Variants in ZNF768 observed in about 807,000 individuals in gnomAD.
ZNF768 encodes zinc finger protein 768.
In ZNF768, 12 loss-of-function variants were observed where a neutral mutation model predicts 39.7. That is an observed-to-expected ratio of 0.30 (90% confidence interval 0.19 to 0.49). ZNF768 has a LOEUF of 0.49. ZNF768 is among the 20% of genes least tolerant of loss of function. The probability of loss-of-function intolerance (pLI) is 0.99; values close to 1 mark genes in which losing one functional copy is unlikely to be tolerated. For synonymous variants in ZNF768, 360 were observed against 288.4 expected (o/e 1.25, Z -2.52); for missense variants, 613 against 723.2 (o/e 0.85, Z 1.75).
upstream of ZNF768, chr16:30,527,475 G>A: frequency 3.4e-6 from 1 of 296,838 alleles, no homozygotes; most frequent in Non-Finnish European, 5.0e-6. Context: ...CAACCCCGCG[G>A]ACGGCTGGGC....
the ZNF768 span, chr16:30,532,467 C>T: frequency 6.3e-7 from 1 of 1,578,304 alleles, no homozygotes; most frequent in Non-Finnish European, 8.6e-7. Context: ...CTCGGGCCGC[C>T]CACAATGTCT....
At chr16:30,526,180 C>T (rs2051321756) in intron 1 of ZNF768, 129 bp from the exon 2 acceptor site, 1 of 1,512,954 alleles carries the variant, frequency 6.6e-7, no homozygotes, top group African/African-American at 1.4e-5. Context: ...CCACGCCCCC[C>T]TCAGCTGACC....
chr16:30,530,037 G>A (rs990494247), upstream of ZNF768, among the ~76,000 whole-genome samples: 2 of 151,962 alleles, frequency 1.3e-5, no homozygotes, highest in African/African-American at 4.8e-5. This position sits in a 1 kb window ranked among gnomAD's most constrained non-coding sequence, Gnocchi z 4.4. Flanking sequence ...CACCATGTTA[G>A]CCAGGATGGT....
In ZNF768 at chr16:30,525,118, C is replaced by A; in HGVS notation, c.1022G>T (p.Gly341Val). 6.2e-7 allele frequency: 1 copy of A among 1,614,020 alleles called. No homozygotes were observed. The highest frequency in any genetic ancestry group is 1.1e-5 in the South Asian group (1 of 91,088). Residue 341 changes from glycine to valine, a missense_variant, in exon 2 of 2, where the codon GGC (glycine) becomes GTC (valine). Gly to Val is a moderately radical substitution (Grantham distance 109). This residue lies in a region of ZNF768 where 22 missense variants were observed against 63.4 expected (regional missense o/e 0.35). Coordinates refer to ENST00000380412, the MANE Select transcript of ZNF768 (RefSeq NM_024671.4). ...YLLRHQRTHS[G>V]QKPYKCPHCG... The stretch of plus-strand genomic sequence containing the variant: ...ATGTGGGCACTTGTAGGGCTTCTGG[C>A]CAGAGTGAGTGCGCTGGTGGCGAAG...
upstream of ZNF768, chr16:30,526,726 C>T (rs1480126482): frequency 4.7e-6 from 4 of 842,896 alleles, no homozygotes; most frequent in African/African-American, 1.8e-5. Flanking sequence ...GCCCCCGCTC[C>T]CGCCCGAGCC....
At chr16:30,526,604 T>G, upstream of ZNF768, 1 of 965,066 alleles carries the variant, frequency 1.0e-6, no homozygotes, top group Non-Finnish European at 1.2e-6. Context: ...GCCCCTCCCC[T>G]GCCCGCGGCC....
At chr16:30,529,123 A>G (rs572535886), upstream of ZNF768, among the ~76,000 whole-genome samples, 2 of 152,296 alleles carry the variant, frequency 1.3e-5, no homozygotes, top group Admixed American at 1.3e-4. Flanking sequence ...GGTGCCATCT[A>G]TGCACAGGGA....
chr16:30,531,405 A>G (rs570284102), upstream of ZNF768: 19 of 152,336 alleles, frequency 1.2e-4, no homozygotes, highest in Admixed American at 7.2e-4. Context: ...ACTAATTCTT[A>G]TCACTTAAAA....
chr16:30,525,087 G>C lies in ZNF768; in HGVS notation c.1053C>G (p.Gly351=), dbSNP rs141607219. The C allele has an allele frequency of 1.2e-6, 2 of 1,614,054 alleles. No individual in the cohort carries two copies. The highest frequency in any genetic ancestry group is 2.7e-5 in the African/African-American group (2 of 74,946). ...GGTAGGAGCTGTCGCCGAAGGCCTT[G>C]CCACAATGTGGGCACTTGTAGGGCT... is the stretch of plus-strand genomic sequence containing the variant. ...GQKPYKCPHC[G]KAFGDSSYLL... Residue 351 remains glycine (G), a synonymous_variant, in exon 2 of 2, where the codon GGC becomes GGG. Transcript: ENST00000380412.
Position 30,525,354 on chromosome 16 carries a change from G to A in ZNF768, c.786C>T (p.Ile262=). 3 of 1,614,160 alleles carry A rather than the reference G, an allele frequency of 1.9e-6. No individual in the cohort carries two copies. The highest frequency in any genetic ancestry group is 1.3e-5 in the African/African-American group (1 of 75,064). The change falls in exon 2 of 2, where the codon ATC becomes ATT. Residue 262 remains isoleucine, a synonymous_variant. Transcript: ENST00000380412. ...ARGGQGPRPN[I]CGICGKSFGR... The stretch of plus-strand genomic sequence containing the variant: ...CGAAGCTCTTCCCGCAGATGCCACA[G>A]ATGTTAGGCCGAGGGCCCTGCCCAC...
upstream of ZNF768, chr16:30,526,699 T>C (rs933412324): frequency 4.4e-6 from 4 of 902,318 alleles, no homozygotes; most frequent in African/African-American, 1.9e-5. Context: ...GCTTCGCGAC[T>C]ACCCCGGCGG....
upstream of ZNF768, chr16:30,526,742 C>G (rs1239628848): frequency 4.8e-6 from 4 of 839,018 alleles, no homozygotes; most frequent in Non-Finnish European, 5.7e-6. Context: ...GAGCCCCCAC[C>G]TTCTGGACCC....
At position 30,525,877 on chromosome 16, in the gene ZNF768, G is replaced by A; in HGVS notation, c.263C>T (p.Ser88Phe). The change falls in exon 2 of 2, where the codon TCC becomes TTC. Residue 88 changes from serine to phenylalanine, a missense_variant. Transcript: ENST00000380412. Reference protein sequence around the residue: ...RFEPESPGFESRSPGLVPPSP... With the variant: ...RFEPESPGFEFRSPGLVPPSP... ...TGGGGGCACAAGCCCAGGGCTTCGG[G>A]ACTCAAACCCCGGGCTTTCAGGCTC... The A allele has an allele frequency of 6.6e-7, 1 of 1,520,400 alleles. No homozygotes were observed. The highest frequency in any genetic ancestry group is 8.8e-7 in the Non-Finnish European group (1 of 1,137,908). The allele number at this position is 1,520,400 out of a possible 1,614,324, so 94.2% of individuals were successfully genotyped here.
intron 1 of ZNF768, 56 bp downstream of exon 1, chr16:30,526,270 C>A: frequency 6.2e-7 from 1 of 1,603,128 alleles, no homozygotes; most frequent in Non-Finnish European, 8.5e-7. Context: ...TCCCTGGAGC[C>A]ACAGCCCCTT....
Position 30,525,757 on chromosome 16 carries a change from T to TA in ZNF768, c.382dup (p.Tyr128LeufsTer2). On this transcript the variant is annotated frameshift_variant, in exon 2 of 2. Coordinates refer to ENST00000380412, the MANE Select transcript of ZNF768 (RefSeq NM_024671.4). LOFTEE classifies it high-confidence loss of function. ...TTCATACCCGGGGCTCCGAGGTTCA[T>TA]AGCCAGGGCTTTGGGGTTCATACCT... 1 of 1,599,144 alleles carries TA rather than the reference T, an allele frequency of 6.3e-7. No individual in the cohort carries two copies. The highest frequency in any genetic ancestry group is 8.5e-7 in the Non-Finnish European group (1 of 1,174,172).
Position 30,525,576 on chromosome 16 carries a change from G to C in ZNF768, c.564C>G (p.Ile188Met), listed in dbSNP as rs150059456. 4.3e-6 allele frequency: 7 copies of C among 1,614,136 alleles called. No individual in the cohort carries two copies. The African/African-American group carries it at 9.3e-5, about 22-fold the overall frequency. Residue 188 changes from isoleucine to methionine, a missense_variant, in exon 2 of 2, where the codon ATC becomes ATG. Physicochemically the swap from Ile to Met is conservative, Grantham distance 10. Transcript: ENST00000380412. ...LNPEEKSPLNISVGVHPLDSF... is the reference protein window; with the variant it reads ...LNPEEKSPLNMSVGVHPLDSF... ...AGTCCAGGGGGTGAACTCCTACGGA[G>C]ATATTCAAAGGACTCTTTTCCTCGG...
In ZNF768 at chr16:30,525,287, C is replaced by A; in HGVS notation, c.853G>T (p.Gly285Cys). Residue 285 changes from glycine to cysteine, a missense_variant, in exon 2 of 2, where the codon GGT (glycine) becomes TGT (cysteine). Physicochemically the swap from Gly to Cys is radical, Grantham distance 159. Coordinates refer to ENST00000380412, the MANE Select transcript of ZNF768 (RefSeq NM_024671.4). ...TLIQHQRIHT[G>C]EKPYKCEVCS... Reference sequence around the variant, plus strand: ...ACCTCACATTTGTAGGGCTTCTCACCGGTGTGGATGCGCTGGTGCTGGATC... The same window carrying A: ...ACCTCACATTTGTAGGGCTTCTCACAGGTGTGGATGCGCTGGTGCTGGATC... 6.2e-7 allele frequency: 1 copy of A among 1,614,096 alleles called. No individual in the cohort carries two copies. Among genetic ancestry groups the A allele is most frequent in the African/African-American group, 1.3e-5 (1 of 75,032 alleles).
chr16:30,525,180 G>A lies in ZNF768; in HGVS notation c.960C>T (p.Pro320=), dbSNP rs766970842. 2 of 1,614,060 alleles carry A rather than the reference G, an allele frequency of 1.2e-6. No homozygotes were observed. Among genetic ancestry groups the A allele is most frequent in the Non-Finnish European group, 1.7e-6 (2 of 1,179,994 alleles). The change falls in exon 2 of 2, where the codon CCC becomes CCT. Residue 320 remains proline (P), a synonymous_variant. Coordinates refer to ENST00000380412, the MANE Select transcript of ZNF768 (RefSeq NM_024671.4). ...TGTCGGCGAAGGCCTTGCCGCAACG[G>A]GGACATTTGTAGGGCCGCTCGCCAG... is the stretch of plus-strand genomic sequence containing the variant. ...THTGERPYKC[P]RCGKAFADSS...
At chr16:30,527,278 G>T (rs1011853687), upstream of ZNF768, 55 of 985,956 alleles carry the variant, frequency 5.6e-5, no homozygotes, top group African/African-American at 9.3e-4. Context: ...GCGCGCGCCC[G>T]CTCCCGTTCC....
Sources: gnomAD v4.1 joint callset for allele counts (sites outside exome capture counted in the v4.1 genomes callset) on GRCh38, gnomAD v4.1.1 for gene constraint, gnomAD v4.1.1 regional missense constraint, Gnocchi (gnomAD v3.1) non-coding constraint, MANE v1.5 for transcripts, NCBI Gene and HGNC (gene_info 2026-07-23, HGNC 2026-07-21) for gene names.